The following ZNF469 variants were observed in gnomAD, a reference collection of about 807,000 sequenced individuals.
ZNF469 encodes the protein zinc finger protein 469.
ZNF469 carries 1 observed loss-of-function variant against 1.0 expected under a neutral mutation model. That is an observed-to-expected ratio of 1.00 (90% CI 0.35 to 4.73). The LOEUF is 4.73. ZNF469 is among the 30% of genes most tolerant of loss of function. The probability of loss-of-function intolerance (pLI) is 0.16; values close to 1 mark genes in which losing one functional copy is unlikely to be tolerated. For synonymous variants in ZNF469, 2,703 were observed against 2,363.4 expected (o/e 1.14, Z -4.17); for missense variants, 6,100 against 5,356.3 (o/e 1.14, Z -4.33).
At chr16:88,107,008 G>C in the ZNF469 span, among the ~76,000 whole-genome samples, 1 of 152,246 alleles carries the variant, frequency 6.6e-6, no homozygotes, top group South Asian at 2.1e-4. Context: ...TAATATCCAA[G>C]TAACAGCAGC....
chr16:88,109,718 C>T, the ZNF469 span, among the ~76,000 whole-genome samples: 5 of 148,356 alleles, frequency 3.4e-5, no homozygotes, highest in Admixed American at 6.7e-5. Context: ...GTCTCCTCTC[C>T]GGGATCAGGA....
chr16:88,154,651 C>T, the ZNF469 span, among the ~76,000 whole-genome samples: 1 of 152,202 alleles, frequency 6.6e-6, no homozygotes, highest in Non-Finnish European at 1.5e-5. Flanking sequence ...TGCTCACTTT[C>T]CTGTTTGTAA....
At chr16:88,162,161 C>A in the ZNF469 span, among the ~76,000 whole-genome samples, 1 of 152,060 alleles carries the variant, frequency 6.6e-6, no homozygotes, top group Non-Finnish European at 1.5e-5. Context: ...TTGAGAAAAT[C>A]CTCCATTTAG....
At chr16:88,396,844 G>C (rs1332750135) in intron 1 of ZNF469, among the ~76,000 whole-genome samples, 3 of 133,142 alleles carry the variant, frequency 2.3e-5, no homozygotes, top group South Asian at 4.9e-4. Context: ...GCCTGGAGGA[G>C]ACCCTCCTGA....
chr16:88,123,129 G>T, the ZNF469 span, among the ~76,000 whole-genome samples: 1 of 152,100 alleles, frequency 6.6e-6, no homozygotes, highest in African/African-American at 2.4e-5. Flanking sequence ...CACTCACATA[G>T]CCAGCACCAT....
upstream of ZNF469, among the ~76,000 whole-genome samples, chr16:88,380,986 TCACA>T (rs1203717831): frequency 3.0e-4 from 26 of 86,918 alleles, no homozygotes; most frequent in African/African-American, 1.1e-3. Flanking sequence ...ACATATGCAC[TCACA>T]CAGACATGCA....
the ZNF469 span, among the ~76,000 whole-genome samples, chr16:88,300,954 A>G: frequency 6.6e-6 from 1 of 151,800 alleles, no homozygotes; most frequent in Admixed American, 6.6e-5. Context: ...AATCCCAGCT[A>G]CTCGGGAGGC....
the ZNF469 span, among the ~76,000 whole-genome samples, chr16:88,132,895 G>C: frequency 6.6e-6 from 1 of 152,214 alleles, no homozygotes; most frequent in Admixed American, 6.5e-5. Context: ...GCACAGAGCA[G>C]CTGCCTTGGG....
At chr16:88,294,064 G>T in the ZNF469 span, among the ~76,000 whole-genome samples, 1 of 152,234 alleles carries the variant, frequency 6.6e-6, no homozygotes, top group Non-Finnish European at 1.5e-5. Flanking sequence ...TGCCTCAAGA[G>T]AGGAGTCAGT....
the ZNF469 span, among the ~76,000 whole-genome samples, chr16:88,190,686 G>T: frequency 6.6e-6 from 1 of 152,202 alleles, no homozygotes; most frequent in Non-Finnish European, 1.5e-5. Context: ...TGAGATAGAG[G>T]CTAAGCTGAG....
At chr16:88,381,398 GCACT>G (rs2092524894), upstream of ZNF469, among the ~76,000 whole-genome samples, 1 of 148,392 alleles carries the variant, frequency 6.7e-6, no homozygotes, top group East Asian at 2.0e-4. Context: ...TCACACACAC[GCACT>G]CACACACAGA....
chr16:88,144,078 G>A, the ZNF469 span, among the ~76,000 whole-genome samples: 237 of 152,342 alleles, frequency 1.6e-3, 3 homozygotes, highest in Non-Finnish European at 2.8e-3. Context: ...GGAGTGGGGA[G>A]TGGCCTCACA....
intron 1 of ZNF469, among the ~76,000 whole-genome samples, chr16:88,395,341 GTGGGTGGATGGATGGATGGA>G (rs1408549347): frequency 6.6e-6 from 1 of 150,856 alleles, no homozygotes; most frequent in Non-Finnish European, 1.5e-5. Context: ...GGTTGGGTAG[GTGGGTGGATGGATGGATGGA>G]TGGGTGGATG....
chr16:88,274,836 T>TG, the ZNF469 span, among the ~76,000 whole-genome samples: 5 of 152,370 alleles, frequency 3.3e-5, no homozygotes, highest in South Asian at 1.0e-3. Flanking sequence ...GAGAACCTTC[T>TG]CATGGACCTG....
At chr16:88,367,636 G>A in the ZNF469 span, among the ~76,000 whole-genome samples, 1 of 152,322 alleles carries the variant, frequency 6.6e-6, no homozygotes, top group African/African-American at 2.4e-5. Context: ...GTGTTTGTGT[G>A]AGTGTTCTGT....
At chr16:88,268,632 G>T in the ZNF469 span, among the ~76,000 whole-genome samples, 1 of 152,356 alleles carries the variant, frequency 6.6e-6, no homozygotes, top group African/African-American at 2.4e-5. Flanking sequence ...CCCCGTGGGG[G>T]TTGGCACCGC....
chr16:88,254,404 A>T, the ZNF469 span, among the ~76,000 whole-genome samples: 2 of 152,148 alleles, frequency 1.3e-5, no homozygotes, highest in African/African-American at 2.4e-5. Context: ...ATTATTGTAT[A>T]TTTATAGTAA....
At chr16:88,381,217 G>C (rs1447348023), upstream of ZNF469, among the ~76,000 whole-genome samples, 10 of 58,748 alleles carry the variant, frequency 1.7e-4, no homozygotes, top group Middle Eastern at 0.016. Flanking sequence ...CACACACACA[G>C]ACATGCACTC....
chr16:88,395,056 C>T (rs909206361), intron 1 of ZNF469, among the ~76,000 whole-genome samples: 5 of 152,214 alleles, frequency 3.3e-5, no homozygotes, highest in South Asian at 2.1e-4. Flanking sequence ...CTCACGTGCC[C>T]CCCGCCGCAA....
Sources: allele counts gnomAD v4.1 joint callset (sites outside exome capture counted in the v4.1 genomes callset), GRCh38; gene constraint gnomAD v4.1.1; transcripts MANE v1.5; gene names NCBI Gene and HGNC (gene_info 2026-07-23, HGNC 2026-07-21).